DDX19A: variants seen among roughly 807,000 people sequenced by gnomAD.
The protein encoded by DDX19A is DEAD-box helicase 19A, also known as ATP-dependent RNA helicase DDX19A.
DDX19A carries 12 observed loss-of-function variants against 60.6 expected under a neutral mutation model. That is an observed-to-expected ratio of 0.20 (90% CI 0.13 to 0.32). The LOEUF (loss-of-function observed/expected upper bound fraction) is 0.32, where lower values mean the gene tolerates loss of function less well. DDX19A is among the 10% of genes least tolerant of loss of function. The pLI is 1.00. For missense variants in DDX19A, 337 were observed against 600.6 expected (o/e 0.56, Z 4.59); for synonymous variants, 206 against 218.2 (o/e 0.94, Z 0.49).
In DDX19A at chr16:70,356,450, G is replaced by T. The variant is rs923087123; in HGVS notation, c.293+203G>T. On this transcript the variant is annotated intron_variant, in intron 4 of 11. Coordinates refer to ENST00000302243, the MANE Select transcript of DDX19A (RefSeq NM_018332.5). ...CAGCTCACTGCAGCCTCTGCCTCCC[G>T]GGTTCAAGCGATTCTCCTGCCTCAG... 2.6e-5 allele frequency among the ~76,000 whole-genome samples: 4 copies of T among 151,860 alleles called. 1 individual carries two copies. Among genetic ancestry groups the T allele is most frequent in the African/African-American group, 9.7e-5 (4 of 41,416 alleles).
intron 4 of DDX19A, among the ~76,000 whole-genome samples, chr16:70,357,763 A>G (rs8056811): frequency 0.088 from 13,422 of 152,132 alleles, 1,953 homozygotes; most frequent in African/African-American, 0.3. Context: ...ACTGTGCTGG[A>G]TGTTACAAGG....
intron 1 of DDX19A, 94 bp downstream of exon 1, chr16:70,347,142 TG>T: frequency 8.0e-7 from 1 of 1,252,072 alleles, no homozygotes. Flanking sequence ...GGGAGGCCCC[TG>T]GGCAACGCGC....
At chr16:70,367,192 G>C (rs1964544174) in intron 9 of DDX19A, among the ~76,000 whole-genome samples, 1 of 152,150 alleles carries the variant, frequency 6.6e-6, no homozygotes, top group Non-Finnish European at 1.5e-5. Context: ...ATTTTGGGAG[G>C]CCGAGATGGG....
At chr16:70,358,586 A>G (rs1461531684) in intron 4 of DDX19A, among the ~76,000 whole-genome samples, 1 of 151,814 alleles carries the variant, frequency 6.6e-6, no homozygotes, top group African/African-American at 2.4e-5. Context: ...GCTCACGCCT[A>G]TAATCACAGC....
chr16:70,347,069 C>A (rs987210832), intron 1 of DDX19A, 21 bp downstream of exon 1: 2 of 1,606,350 alleles, frequency 1.2e-6, no homozygotes, highest in African/African-American at 1.3e-5. Flanking sequence ...CAGCTCCTGG[C>A]GAGGAGGACG....
chr16:70,364,928 C>A, intron 6 of DDX19A, 89 bp from the exon 7 acceptor site: 1 of 978,562 alleles, frequency 1.0e-6, no homozygotes, highest in Non-Finnish European at 1.6e-6. Flanking sequence ...CTGTGCTATT[C>A]AAGTGCTAAT....
At position 70,365,152 on chromosome 16, in the gene DDX19A, C is replaced by A. The variant is rs749998772; in HGVS notation, c.604+21C>A. On this transcript the variant is annotated intron_variant, in intron 7 of 11. Coordinates refer to ENST00000302243, the MANE Select transcript of DDX19A (RefSeq NM_018332.5). Reference sequence around the variant, plus strand: ...TAAATGTGAGTACGGCAGGCGACAACTGAACAGTGAGCAGGGTAGGGGGTT... The same window carrying A: ...TAAATGTGAGTACGGCAGGCGACAAATGAACAGTGAGCAGGGTAGGGGGTT... The A allele has an allele frequency of 4.6e-6, 7 of 1,530,856 alleles. No individual in the cohort carries two copies. In the African/African-American group the frequency reaches 8.2e-5, roughly 18 times the overall value. 94.8% of individuals were successfully genotyped at this position (1,530,856 alleles called of 1,614,324 possible).
In DDX19A at chr16:70,348,486, C is replaced by T. The variant is rs775081595; in HGVS notation, c.57+1438C>T. ...ACTAAAAATACAAAAGTTAGCCAGGCGTGGTAGTCGTCCCCTGTTAATACC... is the reference window on the plus strand; with the variant it reads ...ACTAAAAATACAAAAGTTAGCCAGGTGTGGTAGTCGTCCCCTGTTAATACC... On this transcript the variant is annotated intron_variant, in intron 1 of 11. Coordinates refer to ENST00000302243, the MANE Select transcript of DDX19A (RefSeq NM_018332.5). Among the ~76,000 whole-genome samples the T allele has an allele frequency of 3.8e-4, 58 of 151,916 alleles. 1 individual carries two copies. The Middle Eastern group carries it at 0.017, about 45-fold the overall frequency.
At chr16:70,354,359 C>G (rs1231277537) in intron 2 of DDX19A, among the ~76,000 whole-genome samples, 1 of 152,050 alleles carries the variant, frequency 6.6e-6, no homozygotes, top group Non-Finnish European at 1.5e-5. Context: ...GTTGGTCAGG[C>G]TGGTCTCAAA....
At chr16:70,364,359 A>G in intron 5 of DDX19A, 184 bp from the exon 6 acceptor site, 2 of 583,772 alleles carry the variant, frequency 3.4e-6, no homozygotes, top group Non-Finnish European at 3.1e-6. Flanking sequence ...TTTATTTTAC[A>G]ATTTAAGCAG....
chr16:70,347,990 G>A (rs1235008803), intron 1 of DDX19A: 2 of 450,314 alleles, frequency 4.4e-6, no homozygotes, highest in South Asian at 3.1e-5. Context: ...GCGCCCAGCC[G>A]GTATGGGGAT....
chr16:70,347,879 G>C (rs1346078232), intron 1 of DDX19A: 1 of 315,944 alleles, frequency 3.2e-6, no homozygotes, highest in Non-Finnish European at 6.4e-6. Flanking sequence ...TTGTAGAGAC[G>C]GGGTTTCTCC....
chr16:70,347,754 C>T (rs1055289912), intron 1 of DDX19A: 5 of 210,712 alleles, frequency 2.4e-5, no homozygotes, highest in Middle Eastern at 2.1e-3. Context: ...GCAATGGCGC[C>T]ATCTCGGCTC....
At chr16:70,365,160 T>G in intron 7 of DDX19A, 29 bp downstream of exon 7, 1 of 1,492,824 alleles carries the variant, frequency 6.7e-7, no homozygotes, top group Non-Finnish European at 9.3e-7. Context: ...AACTGAACAG[T>G]GAGCAGGGTA....
intron 7 of DDX19A, 123 bp downstream of exon 7, chr16:70,365,254 G>T: frequency 1.6e-6 from 1 of 611,200 alleles, no homozygotes; most frequent in East Asian, 2.8e-5. Context: ...TAACTGTGTT[G>T]CTCTATTTGA....
rs892590772 is a variant in DDX19A at position 70,372,458 on chromosome 16, C to T, written c.*472C>T. The stretch of plus-strand genomic sequence containing the variant: ...GCCCCCTCTCTGTCTCTTCAATGGA[C>T]CCTTCACAAGTGTTTCTCCTGCCCT... On this transcript the variant is annotated 3_prime_UTR_variant, in exon 12 of 12. Coordinates refer to ENST00000302243, the MANE Select transcript of DDX19A (RefSeq NM_018332.5). The T allele has an allele frequency of 5.1e-6, 1 of 195,378 alleles. No homozygotes were observed. Among genetic ancestry groups the T allele is most frequent in the Non-Finnish European group, 1.1e-5 (1 of 94,652 alleles). 12.1% of individuals were successfully genotyped at this position (195,378 alleles called of 1,614,324 possible).
chr16:70,347,783 C>G, intron 1 of DDX19A: 1 of 213,320 alleles, frequency 4.7e-6, no homozygotes, highest in Non-Finnish European at 9.9e-6. Context: ...CTCCGCCTCC[C>G]GGGTTCAAGC....
intron 9 of DDX19A, among the ~76,000 whole-genome samples, chr16:70,368,651 A>G (rs1388819100): frequency 2.0e-5 from 3 of 151,262 alleles, no homozygotes; most frequent in Non-Finnish European, 2.9e-5. Flanking sequence ...GGCTCAAGCA[A>G]TTCTCCTACC....
chr16:70,356,032 G>A, intron 3 of DDX19A, 80 bp from the exon 4 acceptor site: 1 of 1,585,656 alleles, frequency 6.3e-7, no homozygotes, highest in African/African-American at 1.3e-5. Flanking sequence ...AGGTGCTAGT[G>A]TGGAGAGGGA....
Sources: gnomAD v4.1 joint callset for allele counts (sites outside exome capture counted in the v4.1 genomes callset) on GRCh38, gnomAD v4.1.1 for gene constraint, MANE v1.5 for transcripts, NCBI Gene and HGNC (gene_info 2026-07-23, HGNC 2026-07-21) for gene names.